Variants in PUM1 observed in about 807,000 individuals in gnomAD.
PUM1 encodes the protein pumilio homolog 1.
Under a neutral mutation model 131.8 loss-of-function variants are expected in PUM1, and 13 were observed. The ratio of observed to expected loss-of-function variants is 0.10; its 90% CI spans 0.06 to 0.16. The LOEUF (loss-of-function observed/expected upper bound fraction) is 0.16, where lower values mean the gene tolerates loss of function less well. Among genes scored for constraint, PUM1 ranks in the 10% least tolerant of loss-of-function variants. The pLI, the probability that PUM1 is intolerant of heterozygous loss-of-function variation, is 1.00. For missense variants in PUM1, 961 were observed against 1,512.4 expected, an observed-to-expected ratio of 0.64 and a Z score of 6.05; for synonymous variants, 509 against 556.5, an observed-to-expected ratio of 0.91 and a Z score of 1.20.
At chr1:30,974,881 C>T (rs536247174) in intron 9 of PUM1, 79 bp from the exon 10 acceptor site, 5 of 1,069,306 alleles carry the variant, frequency 4.7e-6, no homozygotes, top group Non-Finnish European at 6.7e-6. Flanking sequence ...ACATCTGACT[C>T]AATAGATCCT....
Position 30,933,010 on chromosome 1 carries a change from G to A in PUM1, c.*201C>T, listed in dbSNP as rs61131453. On this transcript the variant is annotated 3_prime_UTR_variant, in exon 22 of 22. Coordinates refer to ENST00000426105, the MANE Select transcript of PUM1 (RefSeq NM_001020658.2). The stretch of plus-strand genomic sequence containing the variant: ...GGCAATTAGTCAATTAAAAAAAATA[G>A]TACATGTTATGTGTAATAAAATTAA... 1.4e-5 allele frequency: 8 copies of A among 561,926 alleles called. No individual in the cohort carries two copies. Among genetic ancestry groups the A allele is most frequent in the Non-Finnish European group, 2.4e-5 (8 of 336,618 alleles). 34.8% of individuals were successfully genotyped at this position (561,926 alleles called of 1,614,324 possible). A position where few individuals can be genotyped will look rare whatever the true frequency, so the allele number is the denominator to read the frequency against.
At chr1:30,977,623 T>G (rs141477240) in intron 9 of PUM1, among the ~76,000 whole-genome samples, 12 of 152,294 alleles carry the variant, frequency 7.9e-5, no homozygotes, top group African/African-American at 2.9e-4. Flanking sequence ...GAATACACAT[T>G]TTCATAGTTT....
chr1:31,030,492 C>T (rs1044059212), intron 2 of PUM1, among the ~76,000 whole-genome samples: 1 of 152,122 alleles, frequency 6.6e-6, no homozygotes, highest in Non-Finnish European at 1.5e-5. Flanking sequence ...AGTTCAAGAC[C>T]AGCCTGGGCA....
chr1:31,008,759 G>A (rs1642485004), intron 3 of PUM1, among the ~76,000 whole-genome samples: 1 of 152,010 alleles, frequency 6.6e-6, no homozygotes, highest in Non-Finnish European at 1.5e-5. Context: ...ATCACACCTA[G>A]GCAAAACAGC....
chr1:31,026,800 T>A (rs1162468821), intron 3 of PUM1, among the ~76,000 whole-genome samples: 1 of 152,206 alleles, frequency 6.6e-6, no homozygotes, highest in African/African-American at 2.4e-5. Context: ...AGCATCTACC[T>A]ATGATTGATA....
At chr1:31,009,086 G>A (rs539739243) in intron 3 of PUM1, among the ~76,000 whole-genome samples, 6 of 151,572 alleles carry the variant, frequency 4.0e-5, no homozygotes, top group African/African-American at 7.3e-5. Context: ...AGGAGGCTGC[G>A]GCAGGAGACT....
chr1:30,935,442 C>A (rs913960295), intron 21 of PUM1, among the ~76,000 whole-genome samples: 4 of 152,214 alleles, frequency 2.6e-5, no homozygotes, highest in Non-Finnish European at 5.9e-5. Flanking sequence ...AGCACTATCA[C>A]GTTTACCAAT....
intron 17 of PUM1, among the ~76,000 whole-genome samples, 192 bp downstream of exon 17, chr1:30,949,935 A>G (rs1309124410): frequency 6.6e-6 from 1 of 152,248 alleles, no homozygotes; most frequent in African/African-American, 2.4e-5. Context: ...CACAGGTTTT[A>G]ATACAAGATA....
chr1:31,026,471 T>C (rs947963767), intron 3 of PUM1, among the ~76,000 whole-genome samples: 3 of 152,108 alleles, frequency 2.0e-5, no homozygotes, highest in East Asian at 1.9e-4. Context: ...CAACCATACA[T>C]AGAAAAAAAT....
intron 5 of PUM1, among the ~76,000 whole-genome samples, chr1:30,998,766 G>C (rs1251777269): frequency 6.6e-6 from 1 of 152,192 alleles, no homozygotes; most frequent in African/African-American, 2.4e-5. Context: ...TGAATGCTCA[G>C]AACAAAATAT....
intron 1 of PUM1, among the ~76,000 whole-genome samples, chr1:31,062,414 A>C (rs1644388495): frequency 6.6e-6 from 1 of 152,074 alleles, no homozygotes; most frequent in South Asian, 2.1e-4. Flanking sequence ...CCAGGTCAGA[A>C]TTCCAGACCA....
intron 2 of PUM1, among the ~76,000 whole-genome samples, chr1:31,040,211 T>C (rs1490522242): frequency 6.6e-6 from 1 of 152,106 alleles, no homozygotes; most frequent in East Asian, 1.9e-4. Context: ...TGAGCCACCA[T>C]GCCCCGCCAA....
intron 2 of PUM1, among the ~76,000 whole-genome samples, chr1:31,046,868 C>T (rs1297782843): frequency 6.6e-6 from 1 of 151,970 alleles, no homozygotes; most frequent in Non-Finnish European, 1.5e-5. Context: ...ATCACTGACC[C>T]CACCACTTCT....
chr1:30,934,063 C>A (rs1033244824), intron 21 of PUM1, among the ~76,000 whole-genome samples: 1 of 152,198 alleles, frequency 6.6e-6, no homozygotes, highest in Non-Finnish European at 1.5e-5. Context: ...GCCCGCCACA[C>A]CAGCCTCATC....
intron 3 of PUM1, among the ~76,000 whole-genome samples, chr1:31,015,676 C>CTTTTTTTTTT (rs568144593): frequency 5.0e-5 from 6 of 119,230 alleles, no homozygotes; most frequent in East Asian, 2.5e-4. Context: ...CTTTTTTTTT[C>CTTTTTTTTTT]TTTTTTTTTT....
intron 10 of PUM1, 57 bp from the exon 11 acceptor site, chr1:30,968,549 C>T: frequency 1.3e-6 from 2 of 1,543,602 alleles, no homozygotes; most frequent in Non-Finnish European, 1.7e-6. Flanking sequence ...AGAAGACCTA[C>T]CCTATGCTCA....
chr1:31,014,301 C>CA (rs745510280), intron 3 of PUM1, among the ~76,000 whole-genome samples: 2,984 of 75,748 alleles, frequency 0.039, 122 homozygotes, highest in East Asian at 0.17. Flanking sequence ...ATCCAGTCTC[C>CA]AAAAAAAAAA....
chr1:31,045,728 G>GC (rs1431621501), intron 2 of PUM1, among the ~76,000 whole-genome samples: 1 of 152,058 alleles, frequency 6.6e-6, no homozygotes, highest in African/African-American at 2.4e-5. Flanking sequence ...CTTACTAATG[G>GC]CAACAGACAA....
chr1:30,974,080 T>A (rs1641039978), intron 10 of PUM1, among the ~76,000 whole-genome samples: 1 of 137,870 alleles, frequency 7.3e-6, no homozygotes, highest in Non-Finnish European at 1.6e-5. Context: ...AGAGCTAGAC[T>A]CCATCTCAAA....
Sources: gnomAD v4.1 joint callset for allele counts (sites outside exome capture counted in the v4.1 genomes callset) on GRCh38, gnomAD v4.1.1 for gene constraint, MANE v1.5 for transcripts, NCBI Gene and HGNC (gene_info 2026-07-23, HGNC 2026-07-21) for gene names.